The following ONECUT2 variants were observed in gnomAD, a reference collection of about 807,000 sequenced individuals.
The protein encoded by ONECUT2 is one cut homeobox 2.
Under a neutral mutation model 27.9 loss-of-function variants are expected in ONECUT2, and 10 were observed. The ratio of observed to expected loss-of-function variants is 0.36; its 90% confidence interval spans 0.22 to 0.61. The LOEUF is 0.61. Ranked by LOEUF, ONECUT2 falls within the 20% of genes least tolerant of loss-of-function variation. The probability of loss-of-function intolerance (pLI) is 0.73; values close to 1 mark genes in which losing one functional copy is unlikely to be tolerated. For synonymous variants in ONECUT2, 334 were observed against 315.1 expected (o/e 1.06, Z -0.64); for missense variants, 686 against 721.0 (o/e 0.95, Z 0.56).
rs1275256348 is a variant in ONECUT2 at position 57,436,528 on chromosome 18, C to A, written c.812C>A (p.Thr271Asn). The change falls in exon 1 of 2, where the codon ACC becomes AAC. Residue 271 changes from threonine (T) to asparagine (N), a missense_variant. Transcript: ENST00000491143. This position sits in a 1 kb window ranked among gnomAD's most constrained non-coding sequence, Gnocchi z 5.9. ...NFDAHHTAML[T>N]RGEQHLSRGL... ...GACGCGCACCACACTGCCATGCTGACCCGCGGTGAGCAACACCTGTCCCGC... is the reference window on the plus strand; with the variant it reads ...GACGCGCACCACACTGCCATGCTGAACCGCGGTGAGCAACACCTGTCCCGC... 1 of 1,612,888 alleles carries A rather than the reference C, an allele frequency of 6.2e-7. No individual in the cohort carries two copies. Among genetic ancestry groups the A allele is most frequent in the Admixed American group, 1.7e-5 (1 of 60,034 alleles).
At chr18:57,460,863 G>A (rs995048978) in intron 1 of ONECUT2, among the ~76,000 whole-genome samples, 1 of 151,610 alleles carries the variant, frequency 6.6e-6, no homozygotes, top group African/African-American at 2.4e-5. Flanking sequence ...TAATTTTTTT[G>A]TATTTTTTGT....
chr18:57,454,149 T>C (rs979414302), intron 1 of ONECUT2, among the ~76,000 whole-genome samples: 1 of 152,220 alleles, frequency 6.6e-6, no homozygotes, highest in Non-Finnish European at 1.5e-5. Context: ...GTCTTTAAGG[T>C]TTCTTCTTTA....
At chr18:57,441,484 C>G (rs1183793745) in intron 1 of ONECUT2, among the ~76,000 whole-genome samples, 2 of 152,208 alleles carry the variant, frequency 1.3e-5, no homozygotes, top group Non-Finnish European at 2.9e-5. Flanking sequence ...CTCCTCCTCT[C>G]GCGGGGCTCT....
intron 1 of ONECUT2, among the ~76,000 whole-genome samples, chr18:57,445,037 G>A (rs761700593): frequency 1.2e-4 from 18 of 152,036 alleles, no homozygotes; most frequent in Non-Finnish European, 2.4e-4. Flanking sequence ...TTTTTTATGA[G>A]AAAAGAAAAT....
chr18:57,458,434 G>C (rs1276551642), intron 1 of ONECUT2, among the ~76,000 whole-genome samples: 3 of 152,250 alleles, frequency 2.0e-5, no homozygotes, highest in Admixed American at 1.3e-4. Flanking sequence ...AGATCGATAG[G>C]TATCTTAGGT....
At chr18:57,444,693 C>T (rs1045788001) in intron 1 of ONECUT2, among the ~76,000 whole-genome samples, 15 of 152,252 alleles carry the variant, frequency 9.9e-5, no homozygotes, top group African/African-American at 3.6e-4. Flanking sequence ...TCCTTTTATG[C>T]AGGGCCAGGG....
chr18:57,452,303 C>A (rs1313927413), intron 1 of ONECUT2, among the ~76,000 whole-genome samples: 1 of 152,206 alleles, frequency 6.6e-6, no homozygotes, highest in African/African-American at 2.4e-5. Flanking sequence ...ACATAGTTTG[C>A]ACTTAGTAAA....
At chr18:57,476,306 T>C in intron 1 of ONECUT2, 131 bp from the exon 2 acceptor site, 1 of 897,026 alleles carries the variant, frequency 1.1e-6, no homozygotes, top group Non-Finnish European at 1.7e-6. Context: ...GGCTGGTTAT[T>C]GACAGCTGGG....
In ONECUT2 at chr18:57,483,968, C is replaced by T. The variant is rs2050427574; in HGVS notation, c.*7245C>T. 1 of 152,510 alleles carries T rather than the reference C, an allele frequency of 6.6e-6. No homozygotes were observed. The highest frequency in any genetic ancestry group is 6.6e-5 in the Admixed American group (1 of 15,260). 9.4% of individuals were successfully genotyped at this position (152,510 alleles called of 1,614,324 possible). On this transcript the variant is annotated 3_prime_UTR_variant, in exon 2 of 2. Transcript: ENST00000491143. ...TTTGTTTGCTGTCAGAACAACAGAGCAAATTTTGTGGACAAGCAATGACTA... is the reference window on the plus strand; with the variant it reads ...TTTGTTTGCTGTCAGAACAACAGAGTAAATTTTGTGGACAAGCAATGACTA...
chr18:57,439,642 G>C (rs2050163034), intron 1 of ONECUT2, among the ~76,000 whole-genome samples: 1 of 152,190 alleles, frequency 6.6e-6, no homozygotes, highest in African/African-American at 2.4e-5. Context: ...AAAAGCGGAG[G>C]CTTTCTCCGC....
chr18:57,477,084 A>G lies in ONECUT2; in HGVS notation c.*361A>G, dbSNP rs1254803987. 1 of 242,434 alleles carries G rather than the reference A, an allele frequency of 4.1e-6. No homozygotes were observed. The highest frequency in any genetic ancestry group is 8.0e-6 in the Non-Finnish European group (1 of 124,568). 15.0% of individuals were successfully genotyped at this position (242,434 alleles called of 1,614,324 possible). A position where few individuals can be genotyped will look rare whatever the true frequency, so the allele number is the denominator to read the frequency against. ...CTTAAAATATCATCCATCCCACTTCAGGTCCTGTCAGCTTCTTGCAGTCAG... is the reference window on the plus strand; with the variant it reads ...CTTAAAATATCATCCATCCCACTTCGGGTCCTGTCAGCTTCTTGCAGTCAG... On this transcript the variant is annotated 3_prime_UTR_variant, in exon 2 of 2. Coordinates refer to ENST00000491143, the MANE Select transcript of ONECUT2 (RefSeq NM_004852.3).
Position 57,482,751 on chromosome 18 carries a change from T to C in ONECUT2, c.*6028T>C, listed in dbSNP as rs1031322642. On this transcript the variant is annotated 3_prime_UTR_variant, in exon 2 of 2. Transcript: ENST00000491143. ...ACACATTACCTATAGGTGTCTAGAC[T>C]GTGTACATACAAGTGTGTACAGACA... 3.3e-5 allele frequency: 5 copies of C among 152,222 alleles called. No individual in the cohort carries two copies. The East Asian group carries it at 9.6e-4, about 29-fold the overall frequency. The allele number at this position is 152,222 out of a possible 1,614,324, so 9.4% of individuals were successfully genotyped here.
chr18:57,463,650 T>C (rs762949126), intron 1 of ONECUT2, among the ~76,000 whole-genome samples: 1 of 152,174 alleles, frequency 6.6e-6, no homozygotes, highest in Non-Finnish European at 1.5e-5. Flanking sequence ...TCTAACAAAG[T>C]TTTGTAGTTT....
chr18:57,459,161 A>T (rs2050276433), intron 1 of ONECUT2, among the ~76,000 whole-genome samples: 1 of 152,208 alleles, frequency 6.6e-6, no homozygotes, highest in South Asian at 2.1e-4. Flanking sequence ...AAGAAACAAG[A>T]CCCATCTATA....
At position 57,436,597 on chromosome 18, in the gene ONECUT2, G is replaced by A. The variant is rs779019973; in HGVS notation, c.881G>A (p.Gly294Asp). The A allele has an allele frequency of 6.2e-7, 1 of 1,610,358 alleles. No individual in the cohort carries two copies. Residue 294 changes from glycine to aspartate, a missense_variant, in exon 1 of 2, where the codon GGC becomes GAC. Gly to Asp is a moderately conservative substitution (Grantham distance 94). Coordinates refer to ENST00000491143, the MANE Select transcript of ONECUT2 (RefSeq NM_004852.3). This position sits in a 1 kb window ranked among gnomAD's most constrained non-coding sequence, Gnocchi z 5.9. ...GCGGCCATGATGTCGCACCTGAACG[G>A]CCTGCACCACCCGGGCCACACTCAG... ...PPAAMMSHLN[G>D]LHHPGHTQSH...
intron 1 of ONECUT2, among the ~76,000 whole-genome samples, chr18:57,475,250 G>T (rs957210967): frequency 3.3e-5 from 5 of 151,880 alleles, no homozygotes; most frequent in African/African-American, 1.2e-4. Context: ...TAAAGACAGG[G>T]TTTCACCATG....
intron 1 of ONECUT2, among the ~76,000 whole-genome samples, chr18:57,438,983 G>A (rs2050159553): frequency 1.3e-5 from 2 of 152,198 alleles, no homozygotes; most frequent in South Asian, 4.1e-4. Context: ...GGACCAGAAG[G>A]AACTTGGCAG....
At chr18:57,464,448 TGTTTTTTG>T (rs2050309307) in intron 1 of ONECUT2, among the ~76,000 whole-genome samples, 1 of 152,178 alleles carries the variant, frequency 6.6e-6, no homozygotes, top group Non-Finnish European at 1.5e-5. Flanking sequence ...GTATTTTTTT[TGTTTTTTG>T]TTTTTTTGTT....
rs1482369993 is a variant in ONECUT2 at position 57,488,003 on chromosome 18, T to C, written c.*11280T>C. ...ATAGGAGTATGCAGCCTAGGGAACC[T>C]TGGTTGAAAAGCAGCAGTCTGCTAT... On this transcript the variant is annotated 3_prime_UTR_variant, in exon 2 of 2. Transcript: ENST00000491143. 3 of 152,226 alleles carry C rather than the reference T, an allele frequency of 2.0e-5. No individual in the cohort carries two copies. Among genetic ancestry groups the C allele is most frequent in the African/African-American group, 7.2e-5 (3 of 41,452 alleles). 9.4% of individuals were successfully genotyped at this position (152,226 alleles called of 1,614,324 possible).
Sources: allele counts gnomAD v4.1 joint callset (sites outside exome capture counted in the v4.1 genomes callset), GRCh38; gene constraint gnomAD v4.1.1; non-coding constraint Gnocchi (gnomAD v3.1); transcripts MANE v1.5; gene names NCBI Gene and HGNC (gene_info 2026-07-23, HGNC 2026-07-21).